The following NFATC2IP variants were observed in gnomAD, a reference collection of about 807,000 sequenced individuals.
NFATC2IP encodes the protein NFATC2-interacting protein.
A neutral mutation model predicts 40.2 loss-of-function variants in NFATC2IP; 25 were observed. The ratio of observed to expected loss-of-function variants is 0.62; its 90% CI spans 0.45 to 0.87. NFATC2IP has a LOEUF of 0.87. Ranked by LOEUF, NFATC2IP falls within the 40% of genes least tolerant of loss-of-function variation. The pLI is 0.00. For synonymous variants in NFATC2IP, 241 were observed against 236.3 expected (o/e 1.02, Z -0.18); for missense variants, 553 against 555.6 (o/e 1.00, Z 0.05).
chr16:28,956,306 G>A lies in NFATC2IP; in HGVS notation c.815G>A (p.Arg272Gln), dbSNP rs1231809953. 8.7e-6 allele frequency: 14 copies of A among 1,614,014 alleles called. No homozygotes were observed. Among genetic ancestry groups the A allele is most frequent in the South Asian group, 2.2e-5 (2 of 91,056 alleles). The change falls in exon 5 of 8, where the codon CGG (arginine) becomes CAG (glutamine). Residue 272 changes from arginine (R) to glutamine (Q), a missense_variant. Physicochemically the swap from Arg to Gln is conservative, Grantham distance 43. Transcript: ENST00000320805. ...CTCTTCCCACTCAAAATCCGTTGCC[G>A]GGCTGACCTGGTCAGATTGCCCCTC... ...PRLFPLKIRCRADLVRLPLRM... is the reference protein window; with the variant it reads ...PRLFPLKIRCQADLVRLPLRM...
At position 28,951,191 on chromosome 16, in the gene NFATC2IP, G is replaced by A; in HGVS notation, c.180G>A (p.Glu60=). 1 of 1,540,218 alleles carries A rather than the reference G, an allele frequency of 6.5e-7. No homozygotes were observed. The highest frequency in any genetic ancestry group is 8.8e-7 in the Non-Finnish European group (1 of 1,141,202). The change falls in exon 1 of 8, where the codon GAG becomes GAA. Residue 60 remains glutamate (E), a synonymous_variant. Coordinates refer to ENST00000320805, the MANE Select transcript of NFATC2IP (RefSeq NM_032815.4). The stretch of plus-strand genomic sequence containing the variant: ...CCGACAGCGATGAGGAAATTCTGGA[G>A]GTCGCCACCGCTCGCGGTGCCGCGG... ...LVTDSDEEIL[E]VATARGAADE... is the part of the protein sequence containing the mutation.
chr16:28,951,690 C>A (rs2141637586), intron 1 of NFATC2IP, among the ~76,000 whole-genome samples: 1 of 152,030 alleles, frequency 6.6e-6, no homozygotes, highest in East Asian at 1.9e-4. Context: ...TGGAGAGGGA[C>A]TGGGAGGACC....
At chr16:28,952,742 C>CTT (rs66466268) in intron 2 of NFATC2IP, 71 of 138,162 alleles carry the variant, frequency 5.1e-4, no homozygotes, top group Admixed American at 2.0e-3. Flanking sequence ...TCAGTTCTCT[C>CTT]TTTTTTTTTT....
At position 28,964,341 on chromosome 16, in the gene NFATC2IP, G is replaced by A. The variant is rs11547490; in HGVS notation, c.*478G>A. 2,480 of 156,708 alleles carry A rather than the reference G, an allele frequency of 0.016. 19 individuals are homozygous for A. The highest frequency in any genetic ancestry group is 0.024 in the Admixed American group (387 of 16,236). The allele number at this position is 156,708 out of a possible 1,614,324, so 9.7% of individuals were successfully genotyped here. Reference sequence around the variant, plus strand: ...TTGCTTGAGGCTTATACACTGGTGTGGTTGCCTGGCTTGCAGGAAATGACC... The same window carrying A: ...TTGCTTGAGGCTTATACACTGGTGTAGTTGCCTGGCTTGCAGGAAATGACC... On this transcript the variant is annotated 3_prime_UTR_variant, in exon 8 of 8. Transcript: ENST00000320805.
chr16:28,950,994 T>C lies in NFATC2IP; in HGVS notation c.-18T>C. 1 of 1,479,614 alleles carries C rather than the reference T, an allele frequency of 6.8e-7. No individual in the cohort carries two copies. The highest frequency in any genetic ancestry group is 8.9e-7 in the Non-Finnish European group (1 of 1,120,228). 91.7% of individuals were successfully genotyped at this position (1,479,614 alleles called of 1,614,324 possible). A position where few individuals can be genotyped will look rare whatever the true frequency, so the allele number is the denominator to read the frequency against. On this transcript the variant is annotated 5_prime_UTR_variant, in exon 1 of 8. Coordinates refer to ENST00000320805, the MANE Select transcript of NFATC2IP (RefSeq NM_032815.4). ...GAGGCGAGAGGAGGCGGGCGTGTGT[T>C]GTGGAGGAAAGTGTGCCATGGCGGA...
At chr16:28,959,755 A>G (rs1264811159) in intron 7 of NFATC2IP, among the ~76,000 whole-genome samples, 1 of 151,940 alleles carries the variant, frequency 6.6e-6, no homozygotes, top group Non-Finnish European at 1.5e-5. Context: ...TTTAGTAGAG[A>G]CAGGGTTTCA....
rs545412817 is a variant in NFATC2IP at position 28,965,815 on chromosome 16, G to C, written c.*1952G>C. 3.9e-5 allele frequency: 6 copies of C among 152,246 alleles called. 2 individuals are homozygous for C. Among genetic ancestry groups the C allele is most frequent in the African/African-American group, 1.4e-4 (6 of 41,554 alleles). 9.4% of individuals were successfully genotyped at this position (152,246 alleles called of 1,614,324 possible). A position where few individuals can be genotyped will look rare whatever the true frequency, so the allele number is the denominator to read the frequency against. ...CAGGTCTGTAATCCCAGCACTTTCG[G>C]TGGCCGGGGTGGGTGGATCACTTGA... On this transcript the variant is annotated 3_prime_UTR_variant, in exon 8 of 8. Transcript: ENST00000320805.
intron 7 of NFATC2IP, among the ~76,000 whole-genome samples, chr16:28,959,747 T>C (rs1486971027): frequency 1.3e-5 from 2 of 152,080 alleles, no homozygotes; most frequent in Admixed American, 6.6e-5. Context: ...TTTGCATTTT[T>C]AGTAGAGACA....
intron 7 of NFATC2IP, among the ~76,000 whole-genome samples, chr16:28,959,478 A>G (rs1013999411): frequency 1.3e-5 from 2 of 151,906 alleles, no homozygotes; most frequent in African/African-American, 4.8e-5. Context: ...TTTCACAACA[A>G]TCTGATGTGG....
Position 28,965,794 on chromosome 16 carries a change from TC to T in NFATC2IP, c.*1932del, listed in dbSNP as rs1372360694. ...TTTTGGCTAGGCGTGATGGCTCAGG[TC>T]TGTAATCCCAGCACTTTCGGTGGCC... On this transcript the variant is annotated 3_prime_UTR_variant, in exon 8 of 8. Coordinates refer to ENST00000320805, the MANE Select transcript of NFATC2IP (RefSeq NM_032815.4). 6.6e-6 allele frequency: 1 copy of T among 151,940 alleles called. No individual in the cohort carries two copies. The highest frequency in any genetic ancestry group is 1.9e-4 in the East Asian group (1 of 5,154). The allele number at this position is 151,940 out of a possible 1,614,324, so 9.4% of individuals were successfully genotyped here.
chr16:28,952,061 T>C lies in NFATC2IP; in HGVS notation c.388-71T>C, dbSNP rs1476571502. ...TTGGGAGCTGGGTGTCAGGGAAGAA[T>C]TACCCCCAATTTTTTCTTTCGGTAG... On this transcript the variant is annotated intron_variant, in intron 1 of 7. Coordinates refer to ENST00000320805, the MANE Select transcript of NFATC2IP (RefSeq NM_032815.4). 3 of 1,605,128 alleles carry C rather than the reference T, an allele frequency of 1.9e-6. No homozygotes were observed. The Admixed American group carries it at 5.1e-5, about 27-fold the overall frequency.
In NFATC2IP at chr16:28,951,263, C is replaced by T. The variant is rs547220011; in HGVS notation, c.252C>T (p.Ser84=). ...EPPEPPGPVA[S]RDNSNSDSEG... ...CGGAGCCCCCGGGGCCGGTCGCGTC[C>T]CGGGATAACAGCAACAGTGACAGCG... The change falls in exon 1 of 8, where the codon TCC becomes TCT. Residue 84 remains serine, a synonymous_variant. Coordinates refer to ENST00000320805, the MANE Select transcript of NFATC2IP (RefSeq NM_032815.4). 8.1e-6 allele frequency: 12 copies of T among 1,480,710 alleles called. No individual in the cohort carries two copies. The highest frequency in any genetic ancestry group is 9.9e-6 in the Non-Finnish European group (11 of 1,109,646). 91.7% of individuals were successfully genotyped at this position (1,480,710 alleles called of 1,614,324 possible). A position where few individuals can be genotyped will look rare whatever the true frequency, so the allele number is the denominator to read the frequency against.
intron 7 of NFATC2IP, among the ~76,000 whole-genome samples, chr16:28,961,425 T>C (rs1965085810): frequency 6.6e-6 from 1 of 151,864 alleles, no homozygotes; most frequent in Non-Finnish European, 1.5e-5. Flanking sequence ...CACCCCACTT[T>C]TGTATTTTGG....
chr16:28,962,869 T>G (rs1965101876), intron 7 of NFATC2IP, among the ~76,000 whole-genome samples: 1 of 152,166 alleles, frequency 6.6e-6, no homozygotes, highest in African/African-American at 2.4e-5. Context: ...TCATGTCTGT[T>G]TCTGTGTCTG....
intron 1 of NFATC2IP, 125 bp from the exon 2 acceptor site, chr16:28,952,007 G>A: frequency 7.7e-7 from 1 of 1,295,990 alleles, no homozygotes; most frequent in Non-Finnish European, 1.1e-6. Flanking sequence ...CCAGGAGAGG[G>A]CCAAGGTGTC....
At position 28,966,982 on chromosome 16, in the gene NFATC2IP, A is replaced by G. The variant is rs1357554849; in HGVS notation, c.*3119A>G. ...GAATTTTATGACATTAAAATAATCC[A>G]CGACATGGTACAGCTCTTCACTTTT... On this transcript the variant is annotated 3_prime_UTR_variant, in exon 8 of 8. Transcript: ENST00000320805. The G allele has an allele frequency of 6.6e-6, 1 of 152,144 alleles. No individual in the cohort carries two copies. 9.4% of individuals were successfully genotyped at this position (152,144 alleles called of 1,614,324 possible).
chr16:28,956,620 C>T lies in NFATC2IP; in HGVS notation c.846+283C>T. ...TTTTTTCCTTCAAAAAGTGGTCTTACTGTGTCCAGGCTGGTTCCGAACTCC... is the reference window on the plus strand; with the variant it reads ...TTTTTTCCTTCAAAAAGTGGTCTTATTGTGTCCAGGCTGGTTCCGAACTCC... On this transcript the variant is annotated intron_variant, in intron 5 of 7. Coordinates refer to ENST00000320805, the MANE Select transcript of NFATC2IP (RefSeq NM_032815.4). 4 of 410,714 alleles carry T rather than the reference C, an allele frequency of 9.7e-6. No individual in the cohort carries two copies. In the South Asian group the frequency reaches 1.2e-4, roughly 13 times the overall value. 25.4% of individuals were successfully genotyped at this position (410,714 alleles called of 1,614,324 possible).
chr16:28,952,509 G>A, intron 2 of NFATC2IP: 1 of 349,364 alleles, frequency 2.9e-6, no homozygotes, highest in South Asian at 3.7e-5. Flanking sequence ...GAACACTGGA[G>A]CCAGCAGGGT....
intron 3 of NFATC2IP, among the ~76,000 whole-genome samples, chr16:28,955,514 G>A (rs12923643): frequency 0.027 from 4,041 of 152,258 alleles, 79 homozygotes; most frequent in Middle Eastern, 0.044. Context: ...ATATAAAAAT[G>A]ATGCCTCAGG....
Sources: allele counts gnomAD v4.1 joint callset (sites outside exome capture counted in the v4.1 genomes callset), GRCh38; gene constraint gnomAD v4.1.1; transcripts MANE v1.5; gene names NCBI Gene and HGNC (gene_info 2026-07-23, HGNC 2026-07-21).